PEX13: variants seen among roughly 807,000 people sequenced by gnomAD.
PEX13 encodes peroxisomal biogenesis factor 13.
Under a neutral mutation model 34.5 loss-of-function variants are expected in PEX13, and 28 were observed. That is an observed-to-expected ratio of 0.81 (90% CI 0.60 to 1.11). The LOEUF (loss-of-function observed/expected upper bound fraction) is 1.11. PEX13 is among the 50% of genes most tolerant of loss of function. The probability of loss-of-function intolerance (pLI) is 0.00; values close to 1 mark genes in which losing one functional copy is unlikely to be tolerated. For missense variants in PEX13, 550 were observed against 491.0 expected (o/e 1.12, Z -1.13); for synonymous variants, 177 against 175.1 (o/e 1.01, Z -0.09).
rs1044662257 is a variant in PEX13, at chr2:61,049,030, C to G, written c.*260C>G. On this transcript the variant is annotated 3_prime_UTR_variant, in exon 4 of 4. Coordinates refer to ENST00000295030, the MANE Select transcript of PEX13 (RefSeq NM_002618.4). ...TTATGGAGACTGCTGTCATTTTTAT[C>G]TTATTTAAATCTCTAGGTTTATTGG... The G allele has an allele frequency of 6.5e-6, 3 of 461,930 alleles. No individual in the cohort carries two copies. The highest frequency in any genetic ancestry group is 2.0e-5 in the African/African-American group (1 of 50,816). The allele number at this position is 461,930 out of a possible 1,614,324, so 28.6% of individuals were successfully genotyped here. A position where few individuals can be genotyped will look rare whatever the true frequency, so the allele number is the denominator to read the frequency against.
intron 2 of PEX13, among the ~76,000 whole-genome samples, chr2:61,044,725 A>G (rs1680679170): frequency 6.6e-6 from 1 of 152,214 alleles, no homozygotes; most frequent in African/African-American, 2.4e-5. Flanking sequence ...ACAAAGCAGA[A>G]CAGTGCTTAT....
At chr2:61,036,930 G>A (rs1680544970) in intron 2 of PEX13, among the ~76,000 whole-genome samples, 1 of 152,014 alleles carries the variant, frequency 6.6e-6, no homozygotes, top group Non-Finnish European at 1.5e-5. Context: ...AAGGGATGGA[G>A]GAAGATCTAC....
At chr2:61,034,496 G>C (rs917681003) in intron 2 of PEX13, among the ~76,000 whole-genome samples, 1 of 152,312 alleles carries the variant, frequency 6.6e-6, no homozygotes, top group East Asian at 1.9e-4. Context: ...GCTGAAGCAG[G>C]GCAGGGCATC....
intron 1 of PEX13, among the ~76,000 whole-genome samples, chr2:61,020,782 A>G (rs1392009628): frequency 6.6e-6 from 1 of 151,796 alleles, no homozygotes; most frequent in Non-Finnish European, 1.5e-5. Flanking sequence ...AGTCTCCCGG[A>G]CAGTTGAGAC....
chr2:61,027,336 C>T (rs1573550893), intron 1 of PEX13, among the ~76,000 whole-genome samples: 1 of 130,276 alleles, frequency 7.7e-6, no homozygotes, highest in African/African-American at 3.2e-5. Flanking sequence ...GAGACTCTGT[C>T]TCAAAAAAAA....
intron 1 of PEX13, among the ~76,000 whole-genome samples, chr2:61,030,002 A>G (rs909135413): frequency 6.6e-6 from 1 of 152,166 alleles, no homozygotes; most frequent in African/African-American, 2.4e-5. Flanking sequence ...TGCAAATGCT[A>G]TACTATTTTA....
rs1223945070 is a variant in PEX13 at position 61,051,817 on chromosome 2, G to T, written c.*3047G>T. Reference sequence around the variant, plus strand: ...ACATTTTCATGTTTTAACATTTTATGTACGTACTTGATTCTGTCTGTGTCA... The same window carrying T: ...ACATTTTCATGTTTTAACATTTTATTTACGTACTTGATTCTGTCTGTGTCA... On this transcript the variant is annotated 3_prime_UTR_variant, in exon 4 of 4. Coordinates refer to ENST00000295030, the MANE Select transcript of PEX13 (RefSeq NM_002618.4). 6.6e-6 allele frequency: 1 copy of T among 152,266 alleles called. No homozygotes were observed. The highest frequency in any genetic ancestry group is 1.9e-4 in the East Asian group (1 of 5,340). 9.4% of individuals were successfully genotyped at this position (152,266 alleles called of 1,614,324 possible). A position where few individuals can be genotyped will look rare whatever the true frequency, so the allele number is the denominator to read the frequency against.
chr2:61,025,817 G>T (rs1184824798), intron 1 of PEX13, among the ~76,000 whole-genome samples: 1 of 152,186 alleles, frequency 6.6e-6, no homozygotes, highest in Non-Finnish European at 1.5e-5. Context: ...GGATTGAGCT[G>T]ATTTAAAACT....
chr2:61,042,909 C>T (rs76649028), intron 2 of PEX13, among the ~76,000 whole-genome samples: 1,551 of 152,294 alleles, frequency 0.01, 33 homozygotes, highest in African/African-American at 0.035. Flanking sequence ...TTTTCCTTGG[C>T]TCATCATGAC....
chr2:61,037,095 C>A (rs565360393), intron 2 of PEX13, among the ~76,000 whole-genome samples: 45 of 152,298 alleles, frequency 3.0e-4, no homozygotes, highest in African/African-American at 1.0e-3. Context: ...ATATATGCAT[C>A]CAATACAGGA....
chr2:61,041,157 T>C (rs2698189), intron 2 of PEX13, among the ~76,000 whole-genome samples: 10,546 of 152,120 alleles, frequency 0.069, 502 homozygotes, highest in Non-Finnish European at 0.1. Flanking sequence ...AGGGAAAACC[T>C]GTCTCTACAA....
chr2:61,045,898 C>T, intron 3 of PEX13, 47 bp downstream of exon 3: 3 of 1,459,204 alleles, frequency 2.1e-6, no homozygotes, highest in Non-Finnish European at 2.9e-6. Context: ...TTTTGATATT[C>T]ATAAATGCAG....
Position 61,031,601 on chromosome 2 carries a change from G to A in PEX13, c.275G>A (p.Gly92Asp), listed in dbSNP as rs745620818. Reference sequence around the variant, plus strand: ...GCCTATGGAAATTCATTTTATGGAGGCTATAGTCCTTATAGTTATGGATAT... The same window carrying A: ...GCCTATGGAAATTCATTTTATGGAGACTATAGTCCTTATAGTTATGGATAT... ...YGAYGNSFYG[G>D]YSPYSYGYNG... Residue 92 changes from glycine (G) to aspartate (D), a missense_variant, in exon 2 of 4, where the codon GGC becomes GAC. By Grantham distance (94) the Gly-to-Asp change is moderately conservative. Transcript: ENST00000295030. 11 of 1,613,996 alleles carry A rather than the reference G, an allele frequency of 6.8e-6. No individual in the cohort carries two copies. Among genetic ancestry groups the A allele is most frequent in the Non-Finnish European group, 5.9e-6 (7 of 1,180,014 alleles).
intron 1 of PEX13, 67 bp downstream of exon 1, chr2:61,017,918 G>A: frequency 6.7e-7 from 1 of 1,483,418 alleles, no homozygotes; most frequent in Non-Finnish European, 9.2e-7. Context: ...GGAGGCGGTT[G>A]TAGCGGTTGT....
chr2:61,022,282 A>C (rs1680277592), intron 1 of PEX13, among the ~76,000 whole-genome samples: 1 of 152,240 alleles, frequency 6.6e-6, no homozygotes, highest in Non-Finnish European at 1.5e-5. Flanking sequence ...AAAACCTTGA[A>C]AAAAGGTTAG....
chr2:61,034,166 T>G (rs1465303537), intron 2 of PEX13, among the ~76,000 whole-genome samples: 1 of 152,004 alleles, frequency 6.6e-6, no homozygotes, highest in East Asian at 1.9e-4. Context: ...CCGGTTAATT[T>G]TTTGTATTTT....
intron 2 of PEX13, among the ~76,000 whole-genome samples, chr2:61,040,759 A>G (rs893516709): frequency 6.7e-6 from 1 of 148,248 alleles, no homozygotes; most frequent in Non-Finnish European, 1.5e-5. Context: ...ATATAGGTAT[A>G]TACATATATA....
At chr2:61,020,805 C>G (rs1206770653) in intron 1 of PEX13, among the ~76,000 whole-genome samples, 1 of 152,006 alleles carries the variant, frequency 6.6e-6, no homozygotes, top group Non-Finnish European at 1.5e-5. Context: ...CAGGCGCGTG[C>G]CACTCCGCCC....
At chr2:61,046,344 C>T (rs1258462530) in intron 3 of PEX13, among the ~76,000 whole-genome samples, 2 of 152,088 alleles carry the variant, frequency 1.3e-5, no homozygotes, top group Non-Finnish European at 2.9e-5. Flanking sequence ...ATACGCATCT[C>T]GGGTTTATTT....
Sources: allele counts gnomAD v4.1 joint callset (sites outside exome capture counted in the v4.1 genomes callset), GRCh38; gene constraint gnomAD v4.1.1; transcripts MANE v1.5; gene names NCBI Gene and HGNC (gene_info 2026-07-23, HGNC 2026-07-21).